Variants in DPYD observed in about 807,000 individuals in gnomAD.
The protein encoded by DPYD is dihydropyrimidine dehydrogenase [NADP(+)].
Under a neutral mutation model 116.2 loss-of-function variants are expected in DPYD, and 109 were observed. That is an observed-to-expected ratio of 0.94 (90% CI 0.80 to 1.10). DPYD has a LOEUF of 1.10. DPYD is among the 50% of genes least tolerant of loss of function. The pLI, the probability that DPYD is intolerant of heterozygous loss-of-function variation, is 0.00. For synonymous variants in DPYD, 440 were observed against 432.0 expected (o/e 1.02, Z -0.23); for missense variants, 1,302 against 1,254.5 (o/e 1.04, Z -0.57).
chr1:97,253,354 T>A (rs937053172), intron 18 of DPYD, among the ~76,000 whole-genome samples: 1 of 152,198 alleles, frequency 6.6e-6, no homozygotes, highest in Non-Finnish European at 1.5e-5. Flanking sequence ...ACTTCTCAGC[T>A]TTTAATTATT....
chr1:97,724,854 T>C (rs1299266709), intron 4 of DPYD, among the ~76,000 whole-genome samples: 2 of 150,312 alleles, frequency 1.3e-5, no homozygotes, highest in East Asian at 3.9e-4. Context: ...AAATTCTTGC[T>C]AGATAATTAG....
At chr1:97,184,359 T>C (rs1462911365) in intron 20 of DPYD, among the ~76,000 whole-genome samples, 1 of 152,252 alleles carries the variant, frequency 6.6e-6, no homozygotes, top group Non-Finnish European at 1.5e-5. Context: ...TCCACAATGG[T>C]TGAACTAATT....
At chr1:97,361,623 A>T (rs1320089310) in intron 16 of DPYD, among the ~76,000 whole-genome samples, 1 of 152,236 alleles carries the variant, frequency 6.6e-6, no homozygotes, top group African/African-American at 2.4e-5. Context: ...AGTCAACTTC[A>T]TCCCTGGCAT....
intron 8 of DPYD, among the ~76,000 whole-genome samples, chr1:97,625,003 A>G (rs1157607743): frequency 1.3e-5 from 2 of 152,062 alleles, no homozygotes; most frequent in Non-Finnish European, 2.9e-5. Flanking sequence ...ATCTCAGACC[A>G]TAAGTGTGTG....
intron 2 of DPYD, among the ~76,000 whole-genome samples, chr1:97,843,764 T>C (rs192824873): frequency 1.5e-3 from 224 of 152,244 alleles, no homozygotes; most frequent in Middle Eastern, 0.01. Flanking sequence ...TAGAAAAAAA[T>C]TTACAATACT....
intron 3 of DPYD, among the ~76,000 whole-genome samples, chr1:97,751,756 G>A (rs1215402790): frequency 2.4e-5 from 3 of 124,060 alleles, no homozygotes; most frequent in Non-Finnish European, 4.9e-5. Flanking sequence ...GTGACAGAAC[G>A]CTGTCTCTAA....
intron 14 of DPYD, among the ~76,000 whole-genome samples, chr1:97,415,185 T>C (rs1674223827): frequency 6.6e-6 from 1 of 152,180 alleles, no homozygotes; most frequent in South Asian, 2.1e-4. Context: ...ATTGGTAGAA[T>C]GAAAAGCTGG....
At chr1:97,195,285 C>A (rs1658669757) in intron 19 of DPYD, among the ~76,000 whole-genome samples, 1 of 151,274 alleles carries the variant, frequency 6.6e-6, no homozygotes, top group Non-Finnish European at 1.5e-5. Flanking sequence ...CAATGGCAGC[C>A]AACAAAGAAA....
chr1:97,283,975 G>T (rs1225217489), intron 18 of DPYD, among the ~76,000 whole-genome samples: 1 of 151,942 alleles, frequency 6.6e-6, no homozygotes, highest in Non-Finnish European at 1.5e-5. Flanking sequence ...TCAGAGCCTG[G>T]TACACAAAAT....
rs1403393586 is a variant in DPYD, at chr1:97,690,097, A to G, written c.762+1620T>C. Among the ~76,000 whole-genome samples the G allele has an allele frequency of 5.3e-5, 8 of 152,086 alleles. No homozygotes were observed. In the East Asian group the frequency reaches 1.2e-3, roughly 22 times the overall value. ...GCAATCTGTTCTATCAGATTCTTAT[A>G]TCTTTCTGAGATATTCTTTGCATAT... On this transcript the variant is annotated intron_variant, in intron 7 of 22. Transcript: ENST00000370192.
At chr1:97,711,493 C>G (rs1174763258) in intron 5 of DPYD, among the ~76,000 whole-genome samples, 1 of 151,880 alleles carries the variant, frequency 6.6e-6, no homozygotes, top group Non-Finnish European at 1.5e-5. Flanking sequence ...CACTTTTACA[C>G]CATTTTAAAG....
In DPYD at chr1:97,206,844, A is replaced by G. The variant is rs78493821; in HGVS notation, c.2443-13596T>C. ...ACACACAATATTGTATGTATGATAT[A>G]CAATATATGTACATATATTTATACA... On this transcript the variant is annotated intron_variant, in intron 19 of 22. Transcript: ENST00000370192. Among the ~76,000 whole-genome samples the G allele has an allele frequency of 3.7e-4, 56 of 151,246 alleles. No homozygotes were observed. In the East Asian group the frequency reaches 8.9e-3, roughly 24 times the overall value.
At chr1:97,808,724 G>T (rs1018654777) in intron 3 of DPYD, among the ~76,000 whole-genome samples, 1 of 150,702 alleles carries the variant, frequency 6.6e-6, no homozygotes, top group Admixed American at 6.6e-5. Flanking sequence ...CTTAAATTGG[G>T]GTTTATATCT....
chr1:97,384,976 C>T (rs1672240458), intron 14 of DPYD, among the ~76,000 whole-genome samples: 1 of 152,050 alleles, frequency 6.6e-6, no homozygotes, highest in South Asian at 2.1e-4. Context: ...TTTTTTTCGT[C>T]TAGTGAAACT....
At chr1:97,104,137 C>T (rs1395551590) in intron 20 of DPYD, among the ~76,000 whole-genome samples, 2 of 151,996 alleles carry the variant, frequency 1.3e-5, no homozygotes, top group Non-Finnish European at 2.9e-5. Context: ...GTCCATCTGC[C>T]CAGCTTGAGA....
intron 14 of DPYD, among the ~76,000 whole-genome samples, chr1:97,435,082 T>C (rs1675397532): frequency 6.6e-6 from 1 of 152,020 alleles, no homozygotes; most frequent in Non-Finnish European, 1.5e-5. Flanking sequence ...AATCAGTTTG[T>C]TTTGGGGAAA....
chr1:97,683,234 G>A (rs1660520484), intron 7 of DPYD, among the ~76,000 whole-genome samples: 1 of 151,824 alleles, frequency 6.6e-6, no homozygotes, highest in African/African-American at 2.4e-5. Flanking sequence ...GCTATCTTTA[G>A]AAATGAAAAT....
rs545937415 is a variant in DPYD at position 97,727,232 on chromosome 1, A to T, written c.322-5561T>A. Among the ~76,000 whole-genome samples, 113 of 151,874 alleles carry T rather than the reference A, an allele frequency of 7.4e-4. 1 individual carries two copies. Among genetic ancestry groups the T allele is most frequent in the African/African-American group, 2.4e-3 (100 of 41,554 alleles). ...AAATGATTCTGGCTGTGACTTGTCT[A>T]AGATAAGAGAGAATCATAGCCACAT... On this transcript the variant is annotated intron_variant, in intron 4 of 22. Transcript: ENST00000370192.
chr1:97,283,992 A>T (rs942689112), intron 18 of DPYD, among the ~76,000 whole-genome samples: 9 of 152,116 alleles, frequency 5.9e-5, no homozygotes, highest in Non-Finnish European at 8.8e-5. Context: ...AAATCTCCTT[A>T]ATAAAAGGCA....
Sources: allele counts gnomAD v4.1 joint callset (sites outside exome capture counted in the v4.1 genomes callset), GRCh38; gene constraint gnomAD v4.1.1; transcripts MANE v1.5; gene names NCBI Gene and HGNC (gene_info 2026-07-23, HGNC 2026-07-21).